Variants in APBA2 observed in about 807,000 individuals in gnomAD.
APBA2 encodes the protein amyloid-beta A4 precursor protein-binding family A member 2.
Under a neutral mutation model 75.0 loss-of-function variants are expected in APBA2, and 30 were observed. The observed-to-expected ratio is 0.40, with a 90% CI of 0.30 to 0.54. The LOEUF (loss-of-function observed/expected upper bound fraction) is 0.54. Ranked by LOEUF, APBA2 falls within the 20% of genes least tolerant of loss-of-function variation. APBA2 has a pLI of 0.49. For synonymous variants in APBA2, 444 were observed against 409.6 expected, an observed-to-expected ratio of 1.08 and a Z score of -1.01; for missense variants, 801 against 1,016.1, an observed-to-expected ratio of 0.79 and a Z score of 2.88.
intron 1 of APBA2, among the ~76,000 whole-genome samples, chr15:28,920,625 G>C (rs1032941951): frequency 6.6e-6 from 1 of 152,196 alleles, no homozygotes; most frequent in African/African-American, 2.4e-5. Context: ...CTCCAGCTGG[G>C]TGGCCTGCTC....
chr15:28,936,983 A>G (rs1368477334), intron 2 of APBA2, among the ~76,000 whole-genome samples: 1 of 152,158 alleles, frequency 6.6e-6, no homozygotes, highest in Non-Finnish European at 1.5e-5. Context: ...CATAATAGAA[A>G]TGATGCCTCT....
At position 29,107,935 on chromosome 15, in the gene APBA2, G is replaced by T. The variant is rs145427592; in HGVS notation, c.1918-335G>T. On this transcript the variant is annotated intron_variant, in intron 12 of 14. Coordinates refer to ENST00000683413, the MANE Select transcript of APBA2 (RefSeq NM_001353788.2). ...TGATGGCCCCCTCGACACCCTGAGG[G>T]TGACCTGGTGCCAGGTGCGTTGGTT... Among the ~76,000 whole-genome samples, 6 of 152,276 alleles carry T rather than the reference G, an allele frequency of 3.9e-5. No individual in the cohort carries two copies. The East Asian group carries it at 1.2e-3, about 29-fold the overall frequency.
Position 29,053,909 on chromosome 15 carries a change from G to A in APBA2, c.25G>A (p.Val9Met), listed in dbSNP as rs774025744. 88 of 1,612,408 alleles carry A rather than the reference G, an allele frequency of 5.5e-5. 1 individual carries two copies. The East Asian group carries it at 8.5e-4, about 16-fold the overall frequency. MAHRKLES[V>M]GSGMLDHRVR... ...CATGGCCCACCGGAAGCTTGAGAGC[G>A]TGGGGAGCGGCATGTTGGACCATAG... Residue 9 changes from valine (V) to methionine (M), a missense_variant, in exon 4 of 15, where the codon GTG (valine) becomes ATG (methionine). This residue lies in a region of APBA2 where 434 missense variants were observed against 471.6 expected (regional missense o/e 0.92). Transcript: ENST00000683413.
rs1213322606 is a variant in APBA2, at chr15:29,093,211, C to T, written c.1206C>T (p.Ser402=). Residue 402 remains serine, a synonymous_variant, in exon 7 of 15, where the codon AGC becomes AGT. Coordinates refer to ENST00000683413, the MANE Select transcript of APBA2 (RefSeq NM_001353788.2). ...TGATGCAAGCGCAGGAGGCCGTCAG[C>T]CGGGTCAAGGTAGAGGTGCTTCGAG... The part of the protein sequence containing the change: ...IRMMQAQEAV[S]RVKRMQKAAK... The T allele has an allele frequency of 6.2e-7, 1 of 1,614,212 alleles. No individual in the cohort carries two copies. The highest frequency in any genetic ancestry group is 8.5e-7 in the Non-Finnish European group (1 of 1,180,042).
At chr15:29,116,342 G>C (rs1341034180) in intron 14 of APBA2, among the ~76,000 whole-genome samples, 1 of 152,120 alleles carries the variant, frequency 6.6e-6, no homozygotes, top group Non-Finnish European at 1.5e-5. Flanking sequence ...AAGAAGGGGT[G>C]TAGGCCGGGC....
intron 2 of APBA2, among the ~76,000 whole-genome samples, chr15:28,941,265 T>G (rs1453243624): frequency 6.6e-6 from 1 of 152,132 alleles, no homozygotes; most frequent in Non-Finnish European, 1.5e-5. Flanking sequence ...AGCTGGGCGC[T>G]GGTGGCCCTG....
intron 2 of APBA2, among the ~76,000 whole-genome samples, chr15:28,945,675 G>A (rs1339472586): frequency 2.0e-5 from 3 of 151,898 alleles, no homozygotes; most frequent in South Asian, 2.1e-4. Context: ...CCTGCCCCCC[G>A]CCTGGCTAAT....
chr15:29,106,909 C>A lies in APBA2; in HGVS notation c.1917+90C>A. The stretch of plus-strand genomic sequence containing the variant: ...GCTGCAATCCCCACTTCACTGCAAT[C>A]CCCACTTCACCCATGGGGAAACTGA... On this transcript the variant is annotated intron_variant, in intron 12 of 14. Coordinates refer to ENST00000683413, the MANE Select transcript of APBA2 (RefSeq NM_001353788.2). 3 of 1,231,686 alleles carry A rather than the reference C, an allele frequency of 2.4e-6. No individual in the cohort carries two copies. The South Asian group carries it at 4.0e-5, about 16-fold the overall frequency. The allele number at this position is 1,231,686 out of a possible 1,614,324, so 76.3% of individuals were successfully genotyped here.
intron 1 of APBA2, among the ~76,000 whole-genome samples, chr15:28,905,960 G>A (rs1480619049): frequency 6.6e-6 from 1 of 152,086 alleles, no homozygotes; most frequent in Non-Finnish European, 1.5e-5. Flanking sequence ...TTTCACCACT[G>A]CCCCATTCAG....
chr15:29,040,738 T>C (rs2040994667), intron 3 of APBA2, among the ~76,000 whole-genome samples: 1 of 152,340 alleles, frequency 6.6e-6, no homozygotes, highest in East Asian at 1.9e-4. Context: ...TCAACATTTT[T>C]AATCAGGGTT....
rs140555812 is a variant in APBA2 at position 28,895,938 on chromosome 15, C to A, written c.-205+9660C>A. On this transcript the variant is annotated intron_variant, in intron 1 of 14. Coordinates refer to ENST00000683413, the MANE Select transcript of APBA2 (RefSeq NM_001353788.2). The stretch of plus-strand genomic sequence containing the variant: ...ACCAGCCTGGGTAACGTAAGGAGAC[C>A]CCATCTCTACAAAAAAATAGAAAAG... 1.4e-3 allele frequency among the ~76,000 whole-genome samples: 213 copies of A among 152,102 alleles called. 1 individual carries two copies. The highest frequency in any genetic ancestry group is 4.9e-3 in the African/African-American group (204 of 41,476).
intron 4 of APBA2, among the ~76,000 whole-genome samples, chr15:29,071,590 A>G (rs923919571): frequency 1.4e-5 from 2 of 146,404 alleles, no homozygotes; most frequent in Non-Finnish European, 3.0e-5. Flanking sequence ...TTTAAATAGT[A>G]TCTTTATCTA....
rs546396494 is a variant in APBA2, at chr15:28,960,783, G to A, written c.-94-34970G>A. On this transcript the variant is annotated intron_variant, in intron 2 of 14. Transcript: ENST00000683413. Reference sequence around the variant, plus strand: ...TTCTTTTTTTTTTTTTTTTTGAGACGGAGTGTCACACTGTCACCCAGGCTG... The same window carrying A: ...TTCTTTTTTTTTTTTTTTTTGAGACAGAGTGTCACACTGTCACCCAGGCTG... 2.4e-3 allele frequency among the ~76,000 whole-genome samples: 361 copies of A among 148,064 alleles called. 1 individual carries two copies. The highest frequency in any genetic ancestry group is 8.8e-3 in the African/African-American group (350 of 39,912).
chr15:29,074,899 T>C, intron 4 of APBA2, 22 bp from the exon 5 acceptor site: 3 of 1,612,658 alleles, frequency 1.9e-6, no homozygotes, highest in East Asian at 2.2e-5. Flanking sequence ...AAAATCACGA[T>C]CTTTAACTTC....
intron 3 of APBA2, among the ~76,000 whole-genome samples, chr15:29,020,214 T>G (rs1021773675): frequency 1.3e-5 from 2 of 152,224 alleles, no homozygotes; most frequent in East Asian, 3.9e-4. Context: ...TAATACATCC[T>G]GGATGCTCAT....
rs115696304 is a variant in APBA2, at chr15:28,970,327, G to A, written c.-94-25426G>A. 557 of 150,420 alleles carry A rather than the reference G, an allele frequency of 3.7e-3. 1 individual carries two copies. The highest frequency in any genetic ancestry group is 0.012 in the African/African-American group (512 of 41,134). 9.3% of individuals were successfully genotyped at this position (150,420 alleles called of 1,614,324 possible). On this transcript the variant is annotated intron_variant, in intron 2 of 14. Coordinates refer to ENST00000683413, the MANE Select transcript of APBA2 (RefSeq NM_001353788.2). ...CATTATATAGCATGTAGTGATGTAT[G>A]ATGTAATGTATGATATGTACTATAT... is the stretch of plus-strand genomic sequence containing the variant.
intron 1 of APBA2, among the ~76,000 whole-genome samples, chr15:28,894,630 G>C (rs183325250): frequency 2.0e-5 from 3 of 152,326 alleles, no homozygotes; most frequent in Non-Finnish European, 4.4e-5. Flanking sequence ...GGGGGTTGGA[G>C]GGCAGTTGCT....
At chr15:28,997,350 A>G (rs1299572503) in intron 3 of APBA2, among the ~76,000 whole-genome samples, 1 of 152,138 alleles carries the variant, frequency 6.6e-6, no homozygotes, top group Admixed American at 6.5e-5. Context: ...CTCAGTTGTC[A>G]GTTTTCAAAG....
At chr15:28,906,711 T>A (rs1162411443) in intron 1 of APBA2, among the ~76,000 whole-genome samples, 1 of 152,238 alleles carries the variant, frequency 6.6e-6, no homozygotes, top group Non-Finnish European at 1.5e-5. Context: ...TATAAAGTGA[T>A]AGCTTATTTC....
Sources: allele counts gnomAD v4.1 joint callset (sites outside exome capture counted in the v4.1 genomes callset), GRCh38; gene constraint gnomAD v4.1.1; regional missense constraint gnomAD v4.1.1; transcripts MANE v1.5; gene names NCBI Gene and HGNC (gene_info 2026-07-23, HGNC 2026-07-21).